Variants in ARMH4 observed in about 807,000 individuals in gnomAD.
The protein encoded by ARMH4 is armadillo like helical domain containing 4.
A neutral mutation model predicts 61.9 loss-of-function variants in ARMH4; 49 were observed. The observed-to-expected ratio is 0.79, with a 90% CI of 0.63 to 1.00. The LOEUF is 1.00. Among genes scored for constraint, ARMH4 ranks in the 50% least tolerant of loss-of-function variants. ARMH4 has a pLI of 0.00. For synonymous variants in ARMH4, 368 were observed against 341.5 expected, an observed-to-expected ratio of 1.08 and a Z score of -0.85; for missense variants, 934 against 930.0, an observed-to-expected ratio of 1.00 and a Z score of -0.06.
At chr14:58,047,054 A>G (rs1047675686) in intron 5 of ARMH4, among the ~76,000 whole-genome samples, 1 of 152,174 alleles carries the variant, frequency 6.6e-6, no homozygotes, top group South Asian at 2.1e-4. Context: ...GATTACATGT[A>G]CTGGAAGAGA....
Position 58,005,120 on chromosome 14 carries a change from G to T in ARMH4, c.2184C>A (p.Ile728=), listed in dbSNP as rs755562454. 1.2e-6 allele frequency: 2 copies of T among 1,613,892 alleles called. No homozygotes were observed. The highest frequency in any genetic ancestry group is 1.7e-6 in the Non-Finnish European group (2 of 1,179,954). The change falls in exon 7 of 8, where the codon ATC becomes ATA. Residue 728 remains isoleucine, a synonymous_variant. Coordinates refer to ENST00000267485, the MANE Select transcript of ARMH4 (RefSeq NM_001001872.4). ...VGVGIAGALF[I]LGALYSIKVM... is the part of the protein sequence containing the mutation. ...CCTTAATGCTGTAGAGGGCTCCCAA[G>T]ATGAACAAGGCTCCAGCTATCCCAA...
intron 4 of ARMH4, among the ~76,000 whole-genome samples, chr14:58,100,446 C>G (rs1436106476): frequency 6.6e-6 from 1 of 152,102 alleles, no homozygotes; most frequent in African/African-American, 2.4e-5. Context: ...GAGATTTAAC[C>G]AGCAGCAAGT....
At chr14:58,017,086 C>T (rs1332842128) in intron 5 of ARMH4, among the ~76,000 whole-genome samples, 3 of 152,250 alleles carry the variant, frequency 2.0e-5, no homozygotes, top group East Asian at 3.9e-4. Context: ...GAGGCTGAGG[C>T]GGGTGGCTCA....
intron 5 of ARMH4, among the ~76,000 whole-genome samples, chr14:58,061,576 T>G (rs968413556): frequency 1.3e-5 from 2 of 152,112 alleles, no homozygotes; most frequent in Admixed American, 6.5e-5. Context: ...TTTCTGAGAG[T>G]TACAGGAGAA....
intron 4 of ARMH4, among the ~76,000 whole-genome samples, chr14:58,115,146 TA>T (rs1482726776): frequency 6.6e-6 from 1 of 151,796 alleles, no homozygotes; most frequent in African/African-American, 2.4e-5. Flanking sequence ...ATCAAGGGGG[TA>T]AACAGACAAC....
chr14:58,087,626 T>A (rs1183962376), intron 5 of ARMH4, among the ~76,000 whole-genome samples: 3 of 152,238 alleles, frequency 2.0e-5, no homozygotes, highest in Non-Finnish European at 4.4e-5. Context: ...ATCTGGGTTC[T>A]GTCTATGACT....
chr14:58,026,294 G>GA (rs1394659605), intron 5 of ARMH4, among the ~76,000 whole-genome samples: 20 of 149,870 alleles, frequency 1.3e-4, no homozygotes, highest in African/African-American at 4.9e-5. Flanking sequence ...CACCAGGGGA[G>GA]AAAAAAAAAG....
At chr14:58,148,176 A>G (rs903191420) in intron 1 of ARMH4, among the ~76,000 whole-genome samples, 3 of 152,124 alleles carry the variant, frequency 2.0e-5, no homozygotes, top group Admixed American at 2.0e-4. Context: ...CCTCCCGAGT[A>G]GCTAGGATAA....
chr14:58,133,996 C>A (rs1448762611), intron 2 of ARMH4, among the ~76,000 whole-genome samples: 3 of 152,132 alleles, frequency 2.0e-5, no homozygotes, highest in Non-Finnish European at 4.4e-5. Flanking sequence ...TAAGCATAAA[C>A]AAATTACTTC....
At chr14:58,045,631 C>T (rs963467986) in intron 5 of ARMH4, among the ~76,000 whole-genome samples, 1 of 151,104 alleles carries the variant, frequency 6.6e-6, no homozygotes, top group African/African-American at 2.4e-5. Flanking sequence ...AAAAGAAACA[C>T]GGTCTTGTGA....
intron 4 of ARMH4, among the ~76,000 whole-genome samples, chr14:58,102,594 G>A (rs903939001): frequency 2.7e-5 from 4 of 145,824 alleles, no homozygotes; most frequent in Non-Finnish European, 6.0e-5. Context: ...GGTGGATCAT[G>A]AGGTCAGGAG....
Position 58,012,168 on chromosome 14 carries a change from T to A in ARMH4, c.2090-18A>T. 1.5e-6 allele frequency: 2 copies of A among 1,345,490 alleles called. No homozygotes were observed. The highest frequency in any genetic ancestry group is 2.1e-6 in the Non-Finnish European group (2 of 965,914). 83.3% of individuals were successfully genotyped at this position (1,345,490 alleles called of 1,614,324 possible). A position where few individuals can be genotyped will look rare whatever the true frequency, so the allele number is the denominator to read the frequency against. Reference sequence around the variant, plus strand: ...GCTTCTCACTAGGAAAAAAATAAGATAATAAAATGAAATAACCATCTTTTA... The same window carrying A: ...GCTTCTCACTAGGAAAAAAATAAGAAAATAAAATGAAATAACCATCTTTTA... On this transcript the variant is annotated intron_variant, in intron 5 of 7. Transcript: ENST00000267485.
intron 4 of ARMH4, among the ~76,000 whole-genome samples, chr14:58,117,630 G>T (rs1341849520): frequency 6.6e-6 from 1 of 152,110 alleles, no homozygotes; most frequent in Non-Finnish European, 1.5e-5. Context: ...TAAGCACTCA[G>T]TATATGTTTA....
At chr14:58,049,530 G>A (rs1884065556) in intron 5 of ARMH4, among the ~76,000 whole-genome samples, 1 of 152,052 alleles carries the variant, frequency 6.6e-6, no homozygotes, top group Non-Finnish European at 1.5e-5. Flanking sequence ...ATTTCTCTGG[G>A]GTGATTCAAT....
intron 4 of ARMH4, among the ~76,000 whole-genome samples, chr14:58,102,165 C>T (rs1349749605): frequency 6.6e-6 from 1 of 152,046 alleles, no homozygotes; most frequent in Non-Finnish European, 1.5e-5. Flanking sequence ...AGGCCTCAGG[C>T]AGGGATACAT....
At chr14:58,107,034 C>G (rs894738182) in intron 4 of ARMH4, among the ~76,000 whole-genome samples, 7 of 152,120 alleles carry the variant, frequency 4.6e-5, no homozygotes, top group African/African-American at 1.7e-4. Context: ...CCCTATGACC[C>G]TGAGTAATTT....
At position 58,012,114 on chromosome 14, in the gene ARMH4, CT is replaced by C; in HGVS notation, c.2121+4del. On this transcript the variant is annotated splice_donor_region_variant and intron_variant, in intron 6 of 7. Coordinates refer to ENST00000267485, the MANE Select transcript of ARMH4 (RefSeq NM_001001872.4). Reference sequence around the variant, plus strand: ...TAAACCAATGGAAGAAAATACTTTTCTTACCTTGTCTTTTAATTTTTCCATC... The same window carrying C: ...TAAACCAATGGAAGAAAATACTTTTCTACCTTGTCTTTTAATTTTTCCATC... 6.8e-7 allele frequency: 1 copy of C among 1,478,988 alleles called. No individual in the cohort carries two copies. Among genetic ancestry groups the C allele is most frequent in the African/African-American group, 1.4e-5 (1 of 70,090 alleles). The allele number at this position is 1,478,988 out of a possible 1,614,324, so 91.6% of individuals were successfully genotyped here.
At chr14:58,132,965 G>T in intron 3 of ARMH4, 125 bp downstream of exon 3, 2 of 924,778 alleles carry the variant, frequency 2.2e-6, no homozygotes, top group Non-Finnish European at 3.4e-6. Context: ...AGGTGTGTGT[G>T]TGTGTGTACG....
At chr14:58,130,746 C>T (rs921459432) in intron 4 of ARMH4, among the ~76,000 whole-genome samples, 1 of 152,208 alleles carries the variant, frequency 6.6e-6, no homozygotes, top group Non-Finnish European at 1.5e-5. Flanking sequence ...AATAGTAGCA[C>T]AGACTAACCC....
Sources: gnomAD v4.1 joint callset for allele counts (sites outside exome capture counted in the v4.1 genomes callset) on GRCh38, gnomAD v4.1.1 for gene constraint, MANE v1.5 for transcripts, NCBI Gene and HGNC (gene_info 2026-07-23, HGNC 2026-07-21) for gene names.